Variants in TAF4 observed in about 807,000 individuals in gnomAD.
TAF4 encodes TATA-box binding protein associated factor 4, also known as transcription initiation factor TFIID subunit 4.
TAF4 carries 9 observed loss-of-function variants against 90.3 expected under a neutral mutation model. The ratio of observed to expected loss-of-function variants is 0.10; its 90% confidence interval spans 0.06 to 0.17. The LOEUF (loss-of-function observed/expected upper bound fraction) is 0.17. TAF4 is among the 10% of genes least tolerant of loss of function. The probability of loss-of-function intolerance (pLI) is 1.00; values close to 1 mark genes in which losing one functional copy is unlikely to be tolerated. For missense variants in TAF4, 1,351 were observed against 1,370.7 expected, an observed-to-expected ratio of 0.99 and a Z score of 0.23; for synonymous variants, 818 against 638.9, an observed-to-expected ratio of 1.28 and a Z score of -4.23.
intron 1 of TAF4, among the ~76,000 whole-genome samples, chr20:62,052,118 G>A (rs184730992): frequency 6.5e-4 from 99 of 152,246 alleles, no homozygotes; most frequent in Non-Finnish European, 2.8e-4. Context: ...CACCGCAGAC[G>A]TGCCCAGGCC....
intron 14 of TAF4, among the ~76,000 whole-genome samples, chr20:61,996,795 CAAA>C (rs752885979): frequency 5.1e-5 from 4 of 79,166 alleles, no homozygotes; most frequent in Non-Finnish European, 2.7e-5. Context: ...AAGACTGTCT[CAAA>C]AAAAAAAAAA....
At position 62,012,866 on chromosome 20, in the gene TAF4, G is replaced by A; in HGVS notation, c.1590C>T (p.Ala530=). The change falls in exon 3 of 15, where the codon GCC becomes GCT. Residue 530 remains alanine, a synonymous_variant. Coordinates refer to ENST00000252996, the MANE Select transcript of TAF4 (RefSeq NM_003185.4). ...PTTIIKQVSQ[A]QTTVQPSATL... ...TTGCACTGGGCTGCACCGTTGTCTG[G>A]GCCTGAGACACTTGCTTAATTATGG... 1 of 1,614,140 alleles carries A rather than the reference G, an allele frequency of 6.2e-7. No individual in the cohort carries two copies. The highest frequency in any genetic ancestry group is 8.5e-7 in the Non-Finnish European group (1 of 1,180,036).
rs142928020 is a variant in TAF4, at chr20:62,030,134, G to A, written c.1361-15427C>T. Among the ~76,000 whole-genome samples, 227 of 152,326 alleles carry A rather than the reference G, an allele frequency of 1.5e-3. 1 individual carries two copies. Among genetic ancestry groups the A allele is most frequent in the African/African-American group, 5.2e-3 (215 of 41,576 alleles). ...AGCCCCGATAGGGGTGTGCGGCCACGTGCACAAGGAGAGGAGGCAGCAGAG... is the reference window on the plus strand; with the variant it reads ...AGCCCCGATAGGGGTGTGCGGCCACATGCACAAGGAGAGGAGGCAGCAGAG... On this transcript the variant is annotated intron_variant, in intron 1 of 14. Transcript: ENST00000252996.
At chr20:62,038,674 C>G (rs572515523) in intron 1 of TAF4, among the ~76,000 whole-genome samples, 2 of 152,296 alleles carry the variant, frequency 1.3e-5, no homozygotes, top group South Asian at 4.1e-4. Context: ...AGGTACAACA[C>G]GTTCGTGAAT....
At chr20:62,062,775 GAAGA>G (rs906230119) in intron 1 of TAF4, among the ~76,000 whole-genome samples, 6 of 152,144 alleles carry the variant, frequency 3.9e-5, no homozygotes, top group African/African-American at 9.7e-5. Flanking sequence ...CCTCCTCCCA[GAAGA>G]AAGAGACAGA....
intron 4 of TAF4, 104 bp downstream of exon 4, chr20:62,009,942 G>A (rs779744701): frequency 6.1e-5 from 94 of 1,550,974 alleles, no homozygotes; most frequent in Non-Finnish European, 7.8e-5. Flanking sequence ...AGCAAGCAGT[G>A]AGCGGTCTGG....
At chr20:62,041,414 G>A (rs945137815) in intron 1 of TAF4, among the ~76,000 whole-genome samples, 5 of 152,102 alleles carry the variant, frequency 3.3e-5, no homozygotes, top group South Asian at 2.1e-4. Context: ...CATACATGAC[G>A]CTGGTCCCAT....
intron 1 of TAF4, among the ~76,000 whole-genome samples, chr20:62,032,726 C>T (rs1240717470): frequency 6.6e-6 from 1 of 152,238 alleles, no homozygotes; most frequent in African/African-American, 2.4e-5. Context: ...CAGAACCCAA[C>T]TTTCAGACAA....
intron 14 of TAF4, among the ~76,000 whole-genome samples, chr20:61,988,741 C>T (rs1017469210): frequency 3.3e-5 from 5 of 152,248 alleles, no homozygotes; most frequent in Admixed American, 6.5e-5. Context: ...CCCAAACAGA[C>T]GCCGGCGCCA....
intron 14 of TAF4, among the ~76,000 whole-genome samples, chr20:61,978,648 A>G (rs376180399): frequency 0.019 from 1,486 of 76,558 alleles, 59 homozygotes; most frequent in African/African-American, 0.073. Context: ...ACCAAGGCCG[A>G]GGGCGAGACC....
intron 11 of TAF4, 150 bp downstream of exon 11, chr20:61,999,974 T>C (rs968251914): frequency 2.2e-5 from 20 of 915,244 alleles, no homozygotes; most frequent in African/African-American, 5.0e-5. Context: ...CAAAATCTAG[T>C]CCTATAAGAA....
At chr20:62,038,411 T>A (rs1380003037) in intron 1 of TAF4, among the ~76,000 whole-genome samples, 2 of 152,026 alleles carry the variant, frequency 1.3e-5, no homozygotes, top group African/African-American at 4.8e-5. Context: ...TCCGCCCGCC[T>A]CAGCCTCCCA....
rs373107521 is a variant in TAF4 at position 62,012,917 on chromosome 20, G to C, written c.1539C>G (p.Ile513Met). 8 of 1,613,724 alleles carry C rather than the reference G, an allele frequency of 5.0e-6. No individual in the cohort carries two copies. Among genetic ancestry groups the C allele is most frequent in the Non-Finnish European group, 5.9e-6 (7 of 1,179,952 alleles). The change falls in exon 3 of 15, where the codon ATC (isoleucine) becomes ATG (methionine). Residue 513 changes from isoleucine (I) to methionine (M), a missense_variant. Transcript: ENST00000252996. Reference sequence around the variant, plus strand: ...TAGTTGGGGTCACCTGCCGTGCAATGATAGGTGTTCCAGGTGCCTGAAAAA... The same window carrying C: ...TAGTTGGGGTCACCTGCCGTGCAATCATAGGTGTTCCAGGTGCCTGAAAAA... ...ISTVQAPGTP[I>M]IARQVTPTTI...
intron 6 of TAF4, among the ~76,000 whole-genome samples, chr20:62,007,151 A>C (rs2068728152): frequency 6.6e-6 from 1 of 152,226 alleles, no homozygotes; most frequent in Admixed American, 6.5e-5. Context: ...TACACCTCAT[A>C]AATGTGTACA....
chr20:62,022,866 C>T (rs538896638), intron 1 of TAF4, among the ~76,000 whole-genome samples: 4 of 152,082 alleles, frequency 2.6e-5, no homozygotes, highest in South Asian at 4.2e-4. Flanking sequence ...TTGCAGCCCC[C>T]CCCCCGCACA....
At chr20:62,019,770 C>A (rs1034222202) in intron 1 of TAF4, among the ~76,000 whole-genome samples, 1 of 152,216 alleles carries the variant, frequency 6.6e-6, no homozygotes, top group African/African-American at 2.4e-5. Flanking sequence ...GGGTTCTTAC[C>A]CCACACAACA....
intron 14 of TAF4, among the ~76,000 whole-genome samples, chr20:61,986,687 G>A (rs1457845056): frequency 2.0e-5 from 3 of 152,270 alleles, no homozygotes; most frequent in Non-Finnish European, 1.5e-5. Flanking sequence ...AGCTCATGAT[G>A]GCCAGAGCCG....
chr20:61,993,606 G>A (rs2055645283), intron 14 of TAF4, among the ~76,000 whole-genome samples: 1 of 152,218 alleles, frequency 6.6e-6, no homozygotes, highest in East Asian at 1.9e-4. Context: ...CTGGGGACTG[G>A]CAGGTCCTGG....
Position 61,976,351 on chromosome 20 carries a change from G to T in TAF4, c.3091-16C>A. Reference sequence around the variant, plus strand: ...GGCCCGACCCCTGGTGATGAAAAAGGAGAAGACAGTGTGTTAGTGGGGCTC... The same window carrying T: ...GGCCCGACCCCTGGTGATGAAAAAGTAGAAGACAGTGTGTTAGTGGGGCTC... On this transcript the variant is annotated splice_polypyrimidine_tract_variant and intron_variant, in intron 14 of 14. Coordinates refer to ENST00000252996, the MANE Select transcript of TAF4 (RefSeq NM_003185.4). The T allele has an allele frequency of 6.2e-7, 1 of 1,612,320 alleles. No individual in the cohort carries two copies. Among genetic ancestry groups the T allele is most frequent in the Non-Finnish European group, 8.5e-7 (1 of 1,179,848 alleles).
Sources: allele counts gnomAD v4.1 joint callset (sites outside exome capture counted in the v4.1 genomes callset), GRCh38; gene constraint gnomAD v4.1.1; transcripts MANE v1.5; gene names NCBI Gene and HGNC (gene_info 2026-07-23, HGNC 2026-07-21).